KCNT1: variants seen among roughly 807,000 people sequenced by gnomAD.
KCNT1 encodes potassium channel subfamily T member 1.
A neutral mutation model predicts 147.8 loss-of-function variants in KCNT1; 78 were observed. The observed-to-expected ratio is 0.53, with a 90% CI of 0.44 to 0.64. KCNT1 has a LOEUF of 0.64. Ranked by LOEUF, KCNT1 falls within the 30% of genes least tolerant of loss-of-function variation. The pLI, the probability that KCNT1 is intolerant of heterozygous loss-of-function variation, is 0.00. For synonymous variants in KCNT1, 867 were observed against 748.8 expected, an observed-to-expected ratio of 1.16 and a Z score of -2.58; for missense variants, 1,419 against 1,750.3, an observed-to-expected ratio of 0.81 and a Z score of 3.38.
chr9:135,739,383 C>T (rs1830467439), intron 2 of KCNT1, among the ~76,000 whole-genome samples: 1 of 151,996 alleles, frequency 6.6e-6, no homozygotes, highest in Admixed American at 6.5e-5. Context: ...AGAGCCCCGG[C>T]CCCGCCCCAA....
chr9:135,715,699 C>T (rs1343954445), intron 2 of KCNT1, among the ~76,000 whole-genome samples: 4 of 151,980 alleles, frequency 2.6e-5, no homozygotes, highest in Non-Finnish European at 5.9e-5. Context: ...GCTGAAACCG[C>T]AGCTGAAAAA....
In KCNT1 at chr9:135,786,254, T is replaced by G; in HGVS notation, c.3235T>G (p.Trp1079Gly). The G allele has an allele frequency of 6.2e-7, 1 of 1,611,060 alleles. No homozygotes were observed. Among genetic ancestry groups the G allele is most frequent in the South Asian group, 1.1e-5 (1 of 90,854 alleles). ...GGACACACGGGAAGTGAAGGGGCCC[T>G]GGGGCTCCCGCGCTGGCACCGGAGG... ...CEDTREVKGP[W>G]GSRAGTGGSS... The change falls in exon 29 of 31, where the codon TGG becomes GGG. Residue 1079 changes from tryptophan (W) to glycine (G), a missense_variant. Coordinates refer to ENST00000371757, the MANE Select transcript of KCNT1 (RefSeq NM_020822.3).
chr9:135,734,991 G>A (rs993691667), intron 2 of KCNT1, among the ~76,000 whole-genome samples: 4 of 152,184 alleles, frequency 2.6e-5, no homozygotes, highest in Admixed American at 1.3e-4. Flanking sequence ...TCAGCAGCAC[G>A]CCCAGGAGAA....
At chr9:135,710,718 T>G (rs1217401639) in intron 1 of KCNT1, among the ~76,000 whole-genome samples, 2 of 152,230 alleles carry the variant, frequency 1.3e-5, no homozygotes, top group Non-Finnish European at 2.9e-5. Context: ...CTGTTCCTTT[T>G]CACAACTGCT....
At chr9:135,778,561 C>A (rs1833348922) in intron 22 of KCNT1, 66 bp downstream of exon 22, 1 of 1,603,994 alleles carries the variant, frequency 6.2e-7, no homozygotes, top group Admixed American at 1.7e-5. Flanking sequence ...CTTCCAAAGT[C>A]TGGGGTGACC....
chr9:135,759,535 G>C, intron 10 of KCNT1, 144 bp from the exon 11 acceptor site: 1 of 789,262 alleles, frequency 1.3e-6, no homozygotes, highest in South Asian at 2.6e-5. Flanking sequence ...ATGCCACCCA[G>C]CTGTCAGGAG....
At chr9:135,742,696 CGTCT>C (rs1426257937) in intron 2 of KCNT1, 5 of 715,448 alleles carry the variant, frequency 7.0e-6, no homozygotes, top group East Asian at 2.7e-5. Context: ...TCCATCCGTC[CGTCT>C]ATCTGTCTGC....
intron 29 of KCNT1, among the ~76,000 whole-genome samples, chr9:135,787,449 CAG>C (rs1834150392): frequency 6.6e-6 from 1 of 152,230 alleles, no homozygotes; most frequent in Non-Finnish European, 1.5e-5. Flanking sequence ...TGTTCCATCT[CAG>C]GGACTTGCCT....
chr9:135,763,364 G>A (rs773002982), intron 11 of KCNT1, among the ~76,000 whole-genome samples: 3 of 152,176 alleles, frequency 2.0e-5, no homozygotes, highest in Non-Finnish European at 2.9e-5. Flanking sequence ...TGATGACCCC[G>A]AGGCCCTCGC....
At chr9:135,783,986 T>TC (rs778463424) in intron 24 of KCNT1, 38 bp from the exon 25 acceptor site, 1 of 1,559,186 alleles carries the variant, frequency 6.4e-7, no homozygotes, top group Non-Finnish European at 8.8e-7. Flanking sequence ...TGGAGGGACC[T>TC]CGGCACCAGC....
rs1390731617 is a variant in KCNT1 at position 135,770,016 on chromosome 9, C to CCACCCTCAT, written c.1587_1595dup (p.Ile530_Leu532dup). The stretch of plus-strand genomic sequence containing the variant: ...CTGAACTGCATCTGCCCGGCGACCT[C>CCACCCTCAT]CACCCTCATCACCCTGCTGGTGCAC... On this transcript the variant is annotated inframe_insertion, in exon 16 of 31. Coordinates refer to ENST00000371757, the MANE Select transcript of KCNT1 (RefSeq NM_020822.3). 1 of 1,555,434 alleles carries CCACCCTCAT rather than the reference C, an allele frequency of 6.4e-7. No homozygotes were observed. The highest frequency in any genetic ancestry group is 1.4e-5 in the African/African-American group (1 of 73,414).
chr9:135,751,132 G>GAC, intron 4 of KCNT1, 91 bp downstream of exon 4: 1 of 1,232,478 alleles, frequency 8.1e-7, no homozygotes, highest in Non-Finnish European at 1.2e-6. Flanking sequence ...GCGTCCCTGG[G>GAC]GGAGCCCCTG....
At chr9:135,764,917 C>A in intron 11 of KCNT1, 114 bp from the exon 12 acceptor site, 8 of 1,145,726 alleles carry the variant, frequency 7.0e-6, no homozygotes, top group Non-Finnish European at 9.7e-6. Context: ...CACCCCCCGG[C>A]CGGCCCTGCC....
In KCNT1 at chr9:135,736,279, C is replaced by T. The variant is rs183484661; in HGVS notation, c.255-13819C>T. 2.7e-3 allele frequency among the ~76,000 whole-genome samples: 412 copies of T among 152,272 alleles called. 2 individuals are homozygous for T. The highest frequency in any genetic ancestry group is 9.1e-3 in the African/African-American group (379 of 41,572). On this transcript the variant is annotated intron_variant, in intron 2 of 30. Coordinates refer to ENST00000371757, the MANE Select transcript of KCNT1 (RefSeq NM_020822.3). ...AGGCCGGCTGGAGGGCCCTGCCCTG[C>T]CAAGCGGGACTCCGGCTCCTCTCCA...
chr9:135,702,856 A>C (rs1835089627), intron 1 of KCNT1: 2 of 157,206 alleles, frequency 1.3e-5, no homozygotes, highest in African/African-American at 4.8e-5. Context: ...AAGAGTCCCC[A>C]GTGGGAAGTG....
chr9:135,768,970 T>A, intron 15 of KCNT1, 33 bp downstream of exon 15: 2 of 1,544,866 alleles, frequency 1.3e-6, no homozygotes, highest in Non-Finnish European at 1.8e-6. Flanking sequence ...TGATGGTGTA[T>A]CTGGGGCAGG....
In KCNT1 at chr9:135,753,956, A is replaced by T; in HGVS notation, c.454A>T (p.Asn152Tyr). ...CCACAGCTGGGGCTGCCCAAAGCAGAACTACTCCTTCAATGACTCGTCCTC... is the reference window on the plus strand; with the variant it reads ...CCACAGCTGGGGCTGCCCAAAGCAGTACTACTCCTTCAATGACTCGTCCTC... ...GIGCWGCPKQNYSFNDSSSEI... is the reference protein window; with the variant it reads ...GIGCWGCPKQYYSFNDSSSEI... The change falls in exon 5 of 31, where the codon AAC becomes TAC. Residue 152 changes from asparagine (N) to tyrosine (Y), a missense_variant. Transcript: ENST00000371757. 6.2e-7 allele frequency: 1 copy of T among 1,614,074 alleles called. No homozygotes were observed. The highest frequency in any genetic ancestry group is 8.5e-7 in the Non-Finnish European group (1 of 1,179,970).
intron 2 of KCNT1, chr9:135,736,870 G>T: frequency 3.5e-6 from 1 of 288,670 alleles, no homozygotes; most frequent in Non-Finnish European, 6.5e-6. Flanking sequence ...CTGCACCTGC[G>T]TTGCCTGCAG....
At chr9:135,764,984 C>G (rs778734362) in intron 11 of KCNT1, 47 bp from the exon 12 acceptor site, 121 of 1,564,400 alleles carry the variant, frequency 7.7e-5, no homozygotes, top group Non-Finnish European at 1.0e-4. Context: ...CGGGAGCCCT[C>G]GCTCCCCAGG....
Sources: gnomAD v4.1 joint callset for allele counts (sites outside exome capture counted in the v4.1 genomes callset) on GRCh38, gnomAD v4.1.1 for gene constraint, MANE v1.5 for transcripts, NCBI Gene and HGNC (gene_info 2026-07-23, HGNC 2026-07-21) for gene names.